GABRA2: variants seen among roughly 807,000 people sequenced by gnomAD.
GABRA2 encodes gamma-aminobutyric acid type A receptor subunit alpha2, also known as gamma-aminobutyric acid receptor subunit alpha-2.
A neutral mutation model predicts 48.7 loss-of-function variants in GABRA2; 16 were observed. That is an observed-to-expected ratio of 0.33 (90% CI 0.22 to 0.50). GABRA2 has a LOEUF of 0.50. Among genes scored for constraint, GABRA2 ranks in the 20% least tolerant of loss-of-function variants. The probability of loss-of-function intolerance (pLI) is 0.98; values close to 1 mark genes in which losing one functional copy is unlikely to be tolerated. For missense variants in GABRA2, 275 were observed against 535.6 expected (o/e 0.51, Z 4.80); for synonymous variants, 185 against 184.5 (o/e 1.00, Z -0.02).
intron 3 of GABRA2, chr4:46,367,608 G>A (rs891162751): frequency 6.6e-6 from 1 of 152,092 alleles, no homozygotes; most frequent in African/African-American, 2.4e-5. Context: ...ACCAAGAAAA[G>A]AGAAGGTACA....
rs1487253264 is a variant in GABRA2, at chr4:46,249,951, ATACCCC to A, written c.*351_*356del. The A allele has an allele frequency of 1.1e-5, 2 of 181,334 alleles. No homozygotes were observed. The highest frequency in any genetic ancestry group is 2.3e-5 in the Non-Finnish European group (2 of 86,434). 11.2% of individuals were successfully genotyped at this position (181,334 alleles called of 1,614,324 possible). ...CATCATAATTAAGCAACAGTAGAAAATACCCCTACTTAAGAGCTAAACCAAAAGGGT... is the reference window on the plus strand; with the variant it reads ...CATCATAATTAAGCAACAGTAGAAAATACTTAAGAGCTAAACCAAAAGGGT... On this transcript the variant is annotated 3_prime_UTR_variant, in exon 10 of 10. Coordinates refer to ENST00000381620, the MANE Select transcript of GABRA2 (RefSeq NM_000807.4).
intron 4 of GABRA2, among the ~76,000 whole-genome samples, chr4:46,327,587 T>C (rs1483199456): frequency 6.6e-6 from 1 of 152,046 alleles, no homozygotes; most frequent in Non-Finnish European, 1.5e-5. Context: ...TGGCAACTTC[T>C]GATAAAGGAT....
chr4:46,300,901 C>T (rs886917374), intron 8 of GABRA2, among the ~76,000 whole-genome samples: 39 of 152,174 alleles, frequency 2.6e-4, no homozygotes, highest in Admixed American at 7.2e-4. Context: ...TTAGTAGCCT[C>T]TTAACTTTTC....
chr4:46,271,524 C>T (rs114280345), intron 8 of GABRA2, among the ~76,000 whole-genome samples: 300 of 152,064 alleles, frequency 2.0e-3, no homozygotes, highest in African/African-American at 6.7e-3. Context: ...ATTTTTAACA[C>T]AGAGCTGTAC....
intron 1 of GABRA2, chr4:46,389,271 C>T: frequency 1.0e-6 from 1 of 985,440 alleles, no homozygotes; most frequent in South Asian, 4.7e-5. Context: ...TCTTCACTCC[C>T]CTTAACAAAA....
chr4:46,296,539 C>A (rs1387242951), intron 8 of GABRA2, among the ~76,000 whole-genome samples: 1 of 151,378 alleles, frequency 6.6e-6, no homozygotes, highest in Non-Finnish European at 1.5e-5. Context: ...ATTATGGTGT[C>A]TCTTAATATT....
At chr4:46,323,545 A>G (rs1333659542) in intron 4 of GABRA2, among the ~76,000 whole-genome samples, 1 of 151,840 alleles carries the variant, frequency 6.6e-6, no homozygotes, top group Non-Finnish European at 1.5e-5. Context: ...GTCCTCTAAT[A>G]CCCTGTGAGC....
At chr4:46,362,060 A>G (rs1336220839) in intron 3 of GABRA2, among the ~76,000 whole-genome samples, 1 of 152,118 alleles carries the variant, frequency 6.6e-6, no homozygotes, top group Non-Finnish European at 1.5e-5. Context: ...TGGACTGCAG[A>G]CTTTTGAGAT....
At chr4:46,359,358 T>A (rs1190539304) in intron 3 of GABRA2, among the ~76,000 whole-genome samples, 1 of 152,148 alleles carries the variant, frequency 6.6e-6, no homozygotes, top group East Asian at 1.9e-4. Context: ...TCTCTGACAC[T>A]TTAGAGCCCA....
intron 3 of GABRA2, among the ~76,000 whole-genome samples, chr4:46,339,146 G>C (rs180864598): frequency 6.6e-6 from 1 of 151,664 alleles, no homozygotes; most frequent in Admixed American, 6.6e-5. Flanking sequence ...ATTTATTATT[G>C]TTTTCTGTTT....
chr4:46,362,998 A>T (rs1713451806), intron 3 of GABRA2, among the ~76,000 whole-genome samples: 1 of 152,170 alleles, frequency 6.6e-6, no homozygotes, highest in South Asian at 2.1e-4. Context: ...TTTCCTATTT[A>T]AGTAAAATTA....
chr4:46,290,089 T>C (rs1334387219), intron 8 of GABRA2, among the ~76,000 whole-genome samples: 2 of 148,534 alleles, frequency 1.3e-5, no homozygotes, highest in African/African-American at 2.5e-5. Flanking sequence ...TTTTTTGTAT[T>C]TTTTTTTTAG....
At chr4:46,306,293 C>G (rs1009015061) in intron 6 of GABRA2, among the ~76,000 whole-genome samples, 1 of 152,080 alleles carries the variant, frequency 6.6e-6, no homozygotes, top group African/African-American at 2.4e-5. Flanking sequence ...TTAAATGAAT[C>G]AATGCACACA....
intron 6 of GABRA2, among the ~76,000 whole-genome samples, chr4:46,306,093 A>T (rs279868): frequency 0.39 from 59,838 of 152,068 alleles, 12,226 homozygotes; most frequent in East Asian, 0.52. Flanking sequence ...CACTCATAAG[A>T]TAAAAATCAA....
intron 8 of GABRA2, among the ~76,000 whole-genome samples, chr4:46,299,193 T>C (rs1338532923): frequency 6.6e-6 from 1 of 151,832 alleles, no homozygotes; most frequent in Non-Finnish European, 1.5e-5. Context: ...CAAATGTTTA[T>C]AACCCTAAGT....
chr4:46,346,614 T>G (rs1176138486), intron 3 of GABRA2, among the ~76,000 whole-genome samples: 5 of 148,336 alleles, frequency 3.4e-5, no homozygotes, highest in African/African-American at 1.2e-4. Context: ...TTATTATACT[T>G]AAATATTATA....
chr4:46,328,302 A>ACGCGTGTGTGTGTG (rs1730747129), intron 4 of GABRA2, among the ~76,000 whole-genome samples: 2 of 149,976 alleles, frequency 1.3e-5, no homozygotes, highest in Admixed American at 1.3e-4. Context: ...GTGTGCGCAC[A>ACGCGTGTGTGTGTG]CGCATGTGTG....
intron 3 of GABRA2, among the ~76,000 whole-genome samples, chr4:46,362,410 T>C (rs1056000098): frequency 4.6e-5 from 7 of 151,454 alleles, no homozygotes; most frequent in Admixed American, 6.6e-5. Context: ...TGTAAGTCCA[T>C]TAAAGTCCAT....
At chr4:46,323,660 C>G in intron 4 of GABRA2, among the ~76,000 whole-genome samples, 1 of 150,958 alleles carries the variant, frequency 6.6e-6, no homozygotes, top group East Asian at 2.0e-4. Context: ...GTTATGCCTT[C>G]TAGTAGCTCA....
Sources: gnomAD v4.1 joint callset for allele counts (sites outside exome capture counted in the v4.1 genomes callset) on GRCh38, gnomAD v4.1.1 for gene constraint, MANE v1.5 for transcripts, NCBI Gene and HGNC (gene_info 2026-07-23, HGNC 2026-07-21) for gene names.